Variants in PCDHGA6 observed in about 807,000 individuals in gnomAD.
The protein encoded by PCDHGA6 is protocadherin gamma subfamily A, 6, also known as protocadherin gamma-A6.
Under a neutral mutation model 60.6 loss-of-function variants are expected in PCDHGA6, and 41 were observed. The ratio of observed to expected loss-of-function variants is 0.68; its 90% CI spans 0.53 to 0.88. The LOEUF is 0.88. Among genes scored for constraint, PCDHGA6 ranks in the 40% least tolerant of loss-of-function variants. The pLI, the probability that PCDHGA6 is intolerant of heterozygous loss-of-function variation, is 0.00. For missense variants in PCDHGA6, 1,312 were observed against 1,203.0 expected (o/e 1.09, Z -1.34); for synonymous variants, 594 against 524.4 (o/e 1.13, Z -1.81).
Position 141,490,799 on chromosome 5 carries a change from G to A in PCDHGA6, c.2425-4008G>A, listed in dbSNP as rs757092044. On this transcript the variant is annotated intron_variant, in intron 1 of 3. Coordinates refer to ENST00000517434, the MANE Select transcript of PCDHGA6 (RefSeq NM_018919.3). The surrounding 1 kb of genome is among the most constrained non-coding windows in gnomAD (Gnocchi z 5.4). ...GAGGATGGACGGATCTTTGCCCAGC[G>A]TACCTTTGACTATGAATTGCTGCAG... is the stretch of plus-strand genomic sequence containing the variant. 2.7e-5 allele frequency: 43 copies of A among 1,613,888 alleles called. No individual in the cohort carries two copies. Among genetic ancestry groups the A allele is most frequent in the Middle Eastern group, 3.3e-4 (2 of 6,062 alleles).
At chr5:141,450,006 C>CTATTTTTTTTT (rs70988802) in intron 1 of PCDHGA6, among the ~76,000 whole-genome samples, 2 of 132,964 alleles carry the variant, frequency 1.5e-5, no homozygotes, top group African/African-American at 2.8e-5. Flanking sequence ...TGCCATGTCT[C>CTATTTTTTTTT]TTTTTTTTTT....
chr5:141,376,287 T>A lies in PCDHGA6; in HGVS notation c.2204T>A (p.Met735Lys). The A allele has an allele frequency of 6.2e-7, 1 of 1,614,228 alleles. No homozygotes were observed. Among genetic ancestry groups the A allele is most frequent in the Non-Finnish European group, 8.5e-7 (1 of 1,180,044 alleles). ...GCTTCGGGAGGTGGCTTAGCGAGCATGCCCGGCTCGCACTTTGTGGGCGTG... is the reference window on the plus strand; with the variant it reads ...GCTTCGGGAGGTGGCTTAGCGAGCAAGCCCGGCTCGCACTTTGTGGGCGTG... The part of the protein sequence containing the change: ...LQASGGGLAS[M>K]PGSHFVGVEG... The change falls in exon 1 of 4, where the codon ATG becomes AAG. Residue 735 changes from methionine to lysine, a missense_variant. Transcript: ENST00000517434.
chr5:141,395,157 C>T (rs1217678334), intron 1 of PCDHGA6: 4 of 1,614,174 alleles, frequency 2.5e-6, no homozygotes, highest in Admixed American at 1.7e-5. Context: ...GCTCATCAGT[C>T]AGGAGGGCTG....
chr5:141,389,649 G>T (rs760551875), intron 1 of PCDHGA6: 16 of 1,612,598 alleles, frequency 9.9e-6, no homozygotes, highest in Non-Finnish European at 1.4e-5. Flanking sequence ...GGTGACCAAG[G>T]TAGTGGCGGT....
intron 1 of PCDHGA6, chr5:141,382,965 C>A (rs1186922348): frequency 2.5e-6 from 4 of 1,608,612 alleles, no homozygotes; most frequent in Non-Finnish European, 3.4e-6. Context: ...TCCTGGGGAC[C>A]CCCTGGGAAG....
intron 1 of PCDHGA6, chr5:141,392,784 A>G: frequency 6.5e-7 from 1 of 1,546,632 alleles, no homozygotes. Context: ...CACAGTGAAG[A>G]TTCTGAGAGG....
chr5:141,464,773 C>G (rs576769467), intron 1 of PCDHGA6, among the ~76,000 whole-genome samples: 79 of 152,106 alleles, frequency 5.2e-4, no homozygotes, highest in African/African-American at 1.9e-3. Context: ...GAATCTTGTT[C>G]TGTTGCCCAG....
intron 1 of PCDHGA6, chr5:141,413,353 C>A (rs2095629361): frequency 6.2e-7 from 1 of 1,613,962 alleles, no homozygotes; most frequent in East Asian, 2.2e-5. Context: ...GGGTCTGGCG[C>A]CCCGGGAGCT....
At chr5:141,463,650 A>G (rs1206605758) in intron 1 of PCDHGA6, among the ~76,000 whole-genome samples, 1 of 151,746 alleles carries the variant, frequency 6.6e-6, no homozygotes, top group South Asian at 2.1e-4. Flanking sequence ...ACGGGGTTTC[A>G]CCGTGTTAGC....
At chr5:141,448,990 T>C (rs1419678645) in intron 1 of PCDHGA6, among the ~76,000 whole-genome samples, 1 of 152,070 alleles carries the variant, frequency 6.6e-6, no homozygotes, top group Non-Finnish European at 1.5e-5. Flanking sequence ...TATTAATATA[T>C]AGAAAGCTGT....
rs757755103 is a variant in PCDHGA6 at position 141,432,638 on chromosome 5, C to A, written c.2424+56131C>A. On this transcript the variant is annotated intron_variant, in intron 1 of 3. Coordinates refer to ENST00000517434, the MANE Select transcript of PCDHGA6 (RefSeq NM_018919.3). The surrounding 1 kb of genome is among the most constrained non-coding windows in gnomAD (Gnocchi z 6.0). ...GGTGGGTCTGCACACGGGCGAGGTG[C>A]GCACGGCGCGAGCCCTGCTGGACAG... The A allele has an allele frequency of 6.2e-6, 10 of 1,613,810 alleles. No homozygotes were observed. Among genetic ancestry groups the A allele is most frequent in the African/African-American group, 1.3e-5 (1 of 75,064 alleles).
At chr5:141,460,780 A>G (rs1387522399) in intron 1 of PCDHGA6, among the ~76,000 whole-genome samples, 3 of 152,042 alleles carry the variant, frequency 2.0e-5, no homozygotes, top group Non-Finnish European at 4.4e-5. Context: ...GTATGTATAC[A>G]TATATACACA....
rs553803944 is a variant in PCDHGA6, at chr5:141,375,994, G to T, written c.1911G>T (p.Ala637=). Residue 637 remains alanine, a synonymous_variant, in exon 1 of 4, where the codon GCG becomes GCT. Transcript: ENST00000517434. ...RTARALLDRD[A]LKQSLVVAVQ... is the part of the protein sequence containing the mutation. ...CGCGCGCCCTGCTGGACAGAGACGCGCTCAAGCAGAGCCTAGTGGTGGCCG... is the reference window on the plus strand; with the variant it reads ...CGCGCGCCCTGCTGGACAGAGACGCTCTCAAGCAGAGCCTAGTGGTGGCCG... 2 of 1,613,410 alleles carry T rather than the reference G, an allele frequency of 1.2e-6. No individual in the cohort carries two copies. The highest frequency in any genetic ancestry group is 2.2e-5 in the East Asian group (1 of 44,858).
intron 1 of PCDHGA6, among the ~76,000 whole-genome samples, chr5:141,402,311 A>G (rs1174114133): frequency 1.3e-5 from 2 of 152,022 alleles, no homozygotes; most frequent in Non-Finnish European, 2.9e-5. Flanking sequence ...ATACAATTAT[A>G]TATTTTACAT....
At chr5:141,466,549 T>C (rs778708029) in intron 1 of PCDHGA6, among the ~76,000 whole-genome samples, 2 of 152,244 alleles carry the variant, frequency 1.3e-5, no homozygotes, top group African/African-American at 2.4e-5. Flanking sequence ...GGTCTTTTGC[T>C]GTGGGCTTCA....
chr5:141,484,864 A>G, intron 1 of PCDHGA6: 1 of 263,722 alleles, frequency 3.8e-6, no homozygotes, highest in Non-Finnish European at 7.2e-6. Context: ...GGGGTGGGGG[A>G]GCGTGGAGGA....
intron 3 of PCDHGA6, among the ~76,000 whole-genome samples, chr5:141,510,204 C>T (rs1403130911): frequency 1.3e-5 from 2 of 150,304 alleles, no homozygotes; most frequent in Admixed American, 1.3e-4. Flanking sequence ...GCCCAGGAGG[C>T]AGAGGTTGCA....
intron 1 of PCDHGA6, chr5:141,410,443 T>A (rs1207487083): frequency 6.2e-7 from 1 of 1,613,926 alleles, no homozygotes; most frequent in Non-Finnish European, 8.5e-7. Context: ...GTGAGGGGAC[T>A]TTGCCTTATT....
At chr5:141,385,495 T>C (rs1781231622) in intron 1 of PCDHGA6, 3 of 1,391,864 alleles carry the variant, frequency 2.2e-6, no homozygotes, top group African/African-American at 2.9e-5. Flanking sequence ...ACATAGGATA[T>C]AGTATTTCTT....
Sources: gnomAD v4.1 joint callset for allele counts (sites outside exome capture counted in the v4.1 genomes callset) on GRCh38, gnomAD v4.1.1 for gene constraint, Gnocchi (gnomAD v3.1) non-coding constraint, MANE v1.5 for transcripts, NCBI Gene and HGNC (gene_info 2026-07-23, HGNC 2026-07-21) for gene names.